TMCC1: variants seen among roughly 807,000 people sequenced by gnomAD.
The protein encoded by TMCC1 is transmembrane and coiled-coil domain family 1.
TMCC1 carries 15 observed loss-of-function variants against 52.4 expected under a neutral mutation model. The ratio of observed to expected loss-of-function variants is 0.29; its 90% CI spans 0.19 to 0.44. TMCC1 has a LOEUF of 0.44. TMCC1 is among the 20% of genes least tolerant of loss of function. TMCC1 has a pLI of 1.00. For synonymous variants in TMCC1, 279 were observed against 301.9 expected (o/e 0.92, Z 0.79); for missense variants, 503 against 806.0 (o/e 0.62, Z 4.55).
At chr3:129,707,693 G>A (rs2048347172) in intron 4 of TMCC1, among the ~76,000 whole-genome samples, 1 of 152,138 alleles carries the variant, frequency 6.6e-6, no homozygotes, top group Non-Finnish European at 1.5e-5. Context: ...CAGCACTTTG[G>A]GAGGCCGAGG....
intron 4 of TMCC1, among the ~76,000 whole-genome samples, chr3:129,784,721 C>T (rs1237427992): frequency 2.6e-5 from 4 of 152,042 alleles, no homozygotes; most frequent in Admixed American, 2.6e-4. Flanking sequence ...GTAATCCCAG[C>T]ACTTTGGGAG....
At chr3:129,785,579 AC>A (rs1487018446) in intron 4 of TMCC1, among the ~76,000 whole-genome samples, 1 of 146,026 alleles carries the variant, frequency 6.8e-6, no homozygotes, top group African/African-American at 2.8e-5. Flanking sequence ...ACACACACAC[AC>A]ACACAAACAC....
chr3:129,679,717 T>C (rs1393285605), intron 4 of TMCC1, among the ~76,000 whole-genome samples: 2 of 152,234 alleles, frequency 1.3e-5, no homozygotes, highest in Non-Finnish European at 2.9e-5. Context: ...TTATATTTCA[T>C]AAAAAACTAG....
chr3:129,766,239 G>T (rs572360338), intron 4 of TMCC1, among the ~76,000 whole-genome samples: 2 of 152,276 alleles, frequency 1.3e-5, no homozygotes, highest in East Asian at 3.9e-4. Context: ...TTGTTTAGTA[G>T]GCCTGAGAGA....
intron 4 of TMCC1, among the ~76,000 whole-genome samples, chr3:129,689,021 G>T (rs945300950): frequency 7.9e-5 from 12 of 152,170 alleles, no homozygotes; most frequent in African/African-American, 2.7e-4. Flanking sequence ...CCAGAAGACT[G>T]CCAGAACAGA....
chr3:129,855,955 T>C (rs1419355670), intron 2 of TMCC1, among the ~76,000 whole-genome samples: 2 of 152,170 alleles, frequency 1.3e-5, no homozygotes, highest in Admixed American at 6.5e-5. Flanking sequence ...AAGAAAACAC[T>C]GGTCCTTCAG....
At chr3:129,870,718 CGGGGGG>C (rs56383150) in intron 2 of TMCC1, among the ~76,000 whole-genome samples, 8 of 13,898 alleles carry the variant, frequency 5.8e-4, no homozygotes, top group African/African-American at 1.0e-3. Context: ...CGCGGGTTGG[CGGGGGG>C]GGGGGGGGGG....
rs368389923 is a variant in TMCC1, at chr3:129,694,686, C to T, written c.577-23422G>A. Among the ~76,000 whole-genome samples, 15 of 152,290 alleles carry T rather than the reference C, an allele frequency of 9.8e-5. No individual in the cohort carries two copies. The East Asian group carries it at 2.3e-3, about 24-fold the overall frequency. ...CCAAGGCAGTGTACAAATGCCAAGG[C>T]AATGTCAGGAAGTTACCCTATATTG... is the stretch of plus-strand genomic sequence containing the variant. On this transcript the variant is annotated intron_variant, in intron 4 of 6. Coordinates refer to ENST00000393238, the MANE Select transcript of TMCC1 (RefSeq NM_001017395.5).
chr3:129,692,160 T>A (rs1461351168), intron 4 of TMCC1, among the ~76,000 whole-genome samples: 1 of 152,174 alleles, frequency 6.6e-6, no homozygotes, highest in African/African-American at 2.4e-5. Context: ...GTAGAAAAAA[T>A]TTAATCTGAA....
chr3:129,653,545 G>A (rs968574631), intron 6 of TMCC1, among the ~76,000 whole-genome samples: 15 of 152,190 alleles, frequency 9.9e-5, no homozygotes, highest in African/African-American at 2.4e-5. Flanking sequence ...CCAGGTTCAG[G>A]CCATTCTTCT....
intron 4 of TMCC1, among the ~76,000 whole-genome samples, chr3:129,796,455 T>TA (rs760395922): frequency 2.6e-5 from 4 of 152,146 alleles, no homozygotes; most frequent in Non-Finnish European, 5.9e-5. Context: ...TCATGGAACA[T>TA]ATCTCCTGTG....
chr3:129,739,892 T>C (rs772853887), intron 4 of TMCC1, among the ~76,000 whole-genome samples: 3 of 152,242 alleles, frequency 2.0e-5, no homozygotes, highest in Non-Finnish European at 1.5e-5. Flanking sequence ...AAATACTACA[T>C]AGGAAAAGGG....
At chr3:129,878,157 T>G (rs970375913) in intron 2 of TMCC1, among the ~76,000 whole-genome samples, 1 of 149,224 alleles carries the variant, frequency 6.7e-6, no homozygotes, top group Non-Finnish European at 1.5e-5. Context: ...AGAGATGGGG[T>G]TTCACGACAT....
At position 129,883,980 on chromosome 3, in the gene TMCC1, T is replaced by C. The variant is rs888929292; in HGVS notation, c.-434-3421A>G. On this transcript the variant is annotated intron_variant, in intron 1 of 6. Transcript: ENST00000393238. ...AAACCCAATGAAAGCAGATTTCTCA[T>C]TGGATACAATGCAGGCCAGAAGATG... Among the ~76,000 whole-genome samples, 7 of 152,116 alleles carry C rather than the reference T, an allele frequency of 4.6e-5. 1 individual carries two copies. Among genetic ancestry groups the C allele is most frequent in the South Asian group, 2.1e-4 (1 of 4,832 alleles).
chr3:129,730,899 A>G (rs2050488898), intron 4 of TMCC1, among the ~76,000 whole-genome samples: 1 of 152,242 alleles, frequency 6.6e-6, no homozygotes, highest in Non-Finnish European at 1.5e-5. Flanking sequence ...CATATTCTGA[A>G]AAAGAAATCT....
chr3:129,705,896 TTTC>T (rs1159791346), intron 4 of TMCC1, among the ~76,000 whole-genome samples: 2 of 4,138 alleles, frequency 4.8e-4, no homozygotes, highest in Non-Finnish European at 9.4e-3. Flanking sequence ...CCGGCCTTTT[TTTC>T]TTTTTTTTTG....
intron 4 of TMCC1, among the ~76,000 whole-genome samples, chr3:129,791,197 C>T (rs2056436114): frequency 6.6e-6 from 1 of 150,836 alleles, no homozygotes; most frequent in African/African-American, 2.4e-5. Context: ...AGGTTCATGC[C>T]ATTCTCCTGC....
chr3:129,666,708 C>G (rs761216790), intron 5 of TMCC1, among the ~76,000 whole-genome samples: 1 of 151,868 alleles, frequency 6.6e-6, no homozygotes, highest in Non-Finnish European at 1.5e-5. Context: ...CCACTGCACT[C>G]CAGCCTGGGC....
chr3:129,664,884 T>A (rs913619838), intron 5 of TMCC1, among the ~76,000 whole-genome samples: 1 of 152,244 alleles, frequency 6.6e-6, no homozygotes, highest in Non-Finnish European at 1.5e-5. Flanking sequence ...ACCATTTTAC[T>A]GTGTGACCTG....
Sources: allele counts gnomAD v4.1 joint callset (sites outside exome capture counted in the v4.1 genomes callset), GRCh38; gene constraint gnomAD v4.1.1; transcripts MANE v1.5; gene names NCBI Gene and HGNC (gene_info 2026-07-23, HGNC 2026-07-21).